PDE3B: variants seen among roughly 807,000 people sequenced by gnomAD.
The protein encoded by PDE3B is cGMP-inhibited 3',5'-cyclic phosphodiesterase 3B.
PDE3B carries 66 observed loss-of-function variants against 116.8 expected under a neutral mutation model. The observed-to-expected ratio is 0.56, with a 90% CI of 0.46 to 0.69. PDE3B has a LOEUF of 0.69. Among genes scored for constraint, PDE3B ranks in the 30% least tolerant of loss-of-function variants. The pLI, the probability that PDE3B is intolerant of heterozygous loss-of-function variation, is 0.00. For missense variants in PDE3B, 1,384 were observed against 1,368.1 expected (o/e 1.01, Z -0.18); for synonymous variants, 595 against 533.6 (o/e 1.12, Z -1.59).
At chr11:14,884,205 C>T in the PDE3B span, among the ~76,000 whole-genome samples, 1 of 151,990 alleles carries the variant, frequency 6.6e-6, no homozygotes, top group African/African-American at 2.4e-5. Flanking sequence ...GACTATAAAT[C>T]ATGCTGCTAT....
At chr11:14,840,536 C>G (rs545836984) in intron 11 of PDE3B, among the ~76,000 whole-genome samples, 1 of 152,300 alleles carries the variant, frequency 6.6e-6, no homozygotes, top group South Asian at 2.1e-4. Context: ...ACACCAATAC[C>G]TCTTCCTTAA....
intron 1 of PDE3B, among the ~76,000 whole-genome samples, chr11:14,734,756 T>C (rs548686527): frequency 6.6e-6 from 1 of 152,314 alleles, no homozygotes; most frequent in Admixed American, 6.5e-5. Context: ...TCTGTCTTAA[T>C]TTAACAATTA....
chr11:14,694,295 A>G (rs1855136679), intron 1 of PDE3B, among the ~76,000 whole-genome samples: 1 of 152,182 alleles, frequency 6.6e-6, no homozygotes, highest in Admixed American at 6.6e-5. Flanking sequence ...ATTGACTCCA[A>G]TTTTAAAAGA....
rs181256201 is a variant in PDE3B, at chr11:14,814,636, C to T, written c.1523-3547C>T. ...GGGATTAGATGAATAAATTTGACTA[C>T]ATGAACATTAATAACCTCTTTATTG... On this transcript the variant is annotated intron_variant, in intron 5 of 15. Transcript: ENST00000282096. Among the ~76,000 whole-genome samples the T allele has an allele frequency of 1.4e-4, 21 of 152,246 alleles. No individual in the cohort carries two copies. In the East Asian group the frequency reaches 3.3e-3, roughly 24 times the overall value.
At chr11:14,839,056 A>G (rs1860145361) in intron 11 of PDE3B, among the ~76,000 whole-genome samples, 1 of 152,216 alleles carries the variant, frequency 6.6e-6, no homozygotes, top group African/African-American at 2.4e-5. Context: ...AATATATTTC[A>G]GCATTAATTC....
chr11:14,777,106 A>C (rs1329115757), intron 2 of PDE3B, among the ~76,000 whole-genome samples: 1 of 152,214 alleles, frequency 6.6e-6, no homozygotes, highest in Non-Finnish European at 1.5e-5. Flanking sequence ...AAAATACAAT[A>C]ATAGAAATTT....
the PDE3B span, chr11:14,891,795 G>A: frequency 1.4e-6 from 2 of 1,409,360 alleles, no homozygotes; most frequent in East Asian, 2.7e-5. Context: ...CCCCCTGCAA[G>A]GGGGCACGGC....
intron 5 of PDE3B, among the ~76,000 whole-genome samples, chr11:14,807,668 G>C (rs560584948): frequency 1.3e-5 from 2 of 152,162 alleles, no homozygotes; most frequent in Non-Finnish European, 2.9e-5. Context: ...CTTTGGGGTA[G>C]AGGAAGGGAT....
At chr11:14,701,223 G>A (rs1855351469) in intron 1 of PDE3B, among the ~76,000 whole-genome samples, 1 of 151,640 alleles carries the variant, frequency 6.6e-6, no homozygotes, top group Middle Eastern at 3.2e-3. Context: ...GAATTAATAA[G>A]TTTCACTATT....
intron 1 of PDE3B, among the ~76,000 whole-genome samples, chr11:14,714,537 C>A (rs1255543358): frequency 1.5e-5 from 2 of 130,420 alleles, no homozygotes; most frequent in Non-Finnish European, 3.3e-5. Context: ...TAAACCCTGT[C>A]TCAAAAAAAA....
At chr11:14,648,178 A>C (rs566755607) in intron 1 of PDE3B, among the ~76,000 whole-genome samples, 2 of 152,070 alleles carry the variant, frequency 1.3e-5, no homozygotes, top group Non-Finnish European at 2.9e-5. Context: ...CAGCTTTTCA[A>C]TGAGATCACT....
rs746865798 is a variant in PDE3B, at chr11:14,843,914, C to T, written c.2408C>T (p.Ser803Phe). The change falls in exon 12 of 16, where the codon TCT (serine) becomes TTT (phenylalanine). Residue 803 changes from serine to phenylalanine, a missense_variant. By Grantham distance (155) the Ser-to-Phe change is radical (BLOSUM62 -2). Transcript: ENST00000282096. ...SNPDESYGCL[S>F]SNIPALELMA... is the part of the protein sequence containing the mutation. ...CCTGATGAGAGTTATGGCTGCCTGT[C>T]TTCAAACATTCCTGCATTAGAATTG... 6.2e-7 allele frequency: 1 copy of T among 1,614,080 alleles called. No individual in the cohort carries two copies. The highest frequency in any genetic ancestry group is 8.5e-7 in the Non-Finnish European group (1 of 1,179,936).
At chr11:14,662,564 A>G (rs1226788163) in intron 1 of PDE3B, among the ~76,000 whole-genome samples, 1 of 152,128 alleles carries the variant, frequency 6.6e-6, no homozygotes, top group African/African-American at 2.4e-5. Flanking sequence ...CTTTGAAAAA[A>G]ATTTAGACGA....
At chr11:14,650,797 C>G (rs900243760) in intron 1 of PDE3B, among the ~76,000 whole-genome samples, 5 of 151,888 alleles carry the variant, frequency 3.3e-5, no homozygotes, top group African/African-American at 1.2e-4. Flanking sequence ...GACCCTGAGC[C>G]AAGGAAAGCA....
intron 1 of PDE3B, among the ~76,000 whole-genome samples, chr11:14,726,786 A>G (rs1386107046): frequency 6.6e-6 from 1 of 152,152 alleles, no homozygotes; most frequent in Non-Finnish European, 1.5e-5. Context: ...TTTAAGAGTT[A>G]TTTCAGTGGA....
intron 4 of PDE3B, among the ~76,000 whole-genome samples, chr11:14,802,718 A>G (rs1220096032): frequency 6.6e-6 from 1 of 152,260 alleles, no homozygotes; most frequent in Non-Finnish European, 1.5e-5. Context: ...AATAATCAAA[A>G]GGATAAGAAT....
intron 4 of PDE3B, among the ~76,000 whole-genome samples, chr11:14,792,933 C>T (rs369753810): frequency 7.2e-5 from 11 of 152,136 alleles, no homozygotes; most frequent in East Asian, 3.8e-4. Flanking sequence ...TCTCTTACGG[C>T]GCTTTTCACA....
the PDE3B span, chr11:14,879,299 G>T: frequency 6.2e-7 from 1 of 1,613,238 alleles, no homozygotes; most frequent in Non-Finnish European, 8.5e-7. Context: ...TTCAGAGGTT[G>T]CATGGAAAAT....
At chr11:14,674,396 C>G in intron 1 of PDE3B, 1 of 685,496 alleles carries the variant, frequency 1.5e-6, no homozygotes. Flanking sequence ...ACCCACTCAT[C>G]CCAATTTTTA....
Sources: allele counts gnomAD v4.1 joint callset (sites outside exome capture counted in the v4.1 genomes callset), GRCh38; gene constraint gnomAD v4.1.1; transcripts MANE v1.5; gene names NCBI Gene and HGNC (gene_info 2026-07-23, HGNC 2026-07-21).